The following IGF1R variants were observed in gnomAD, a reference collection of about 807,000 sequenced individuals.
The protein encoded by IGF1R is insulin-like growth factor 1 receptor.
Under a neutral mutation model 144.6 loss-of-function variants are expected in IGF1R, and 44 were observed. The ratio of observed to expected loss-of-function variants is 0.30; its 90% confidence interval spans 0.24 to 0.39. IGF1R has a LOEUF of 0.39. Ranked by LOEUF, IGF1R falls within the 10% of genes least tolerant of loss-of-function variation. IGF1R has a pLI of 1.00. For missense variants in IGF1R, 1,355 were observed against 1,833.7 expected (o/e 0.74, Z 4.77); for synonymous variants, 795 against 722.8 (o/e 1.10, Z -1.60).
chr15:98,828,900 A>G (rs933878346), intron 2 of IGF1R, among the ~76,000 whole-genome samples: 2 of 151,380 alleles, frequency 1.3e-5, no homozygotes, highest in Non-Finnish European at 2.9e-5. Flanking sequence ...CGAGCAATTC[A>G]GTGCCTTAGA....
intron 10 of IGF1R, among the ~76,000 whole-genome samples, chr15:98,920,660 G>A (rs2015445450): frequency 6.6e-6 from 1 of 152,196 alleles, no homozygotes; most frequent in South Asian, 2.1e-4. Flanking sequence ...TGGATGATCA[G>A]CCTCATGTCC....
rs192453448 is a variant in IGF1R at position 98,801,815 on chromosome 15, A to G, written c.641-89510A>G. Reference sequence around the variant, plus strand: ...GTTTTCACTGCAGCTTTTAAACAGGATGACTCCCAGCCCCCATCCCCGTGG... The same window carrying G: ...GTTTTCACTGCAGCTTTTAAACAGGGTGACTCCCAGCCCCCATCCCCGTGG... On this transcript the variant is annotated intron_variant, in intron 2 of 20. Transcript: ENST00000650285. 3.3e-5 allele frequency among the ~76,000 whole-genome samples: 5 copies of G among 152,304 alleles called. 1 individual carries two copies. The East Asian group carries it at 9.6e-4, about 29-fold the overall frequency.
At chr15:98,673,344 A>G (rs1290402172) in intron 1 of IGF1R, among the ~76,000 whole-genome samples, 1 of 152,158 alleles carries the variant, frequency 6.6e-6, no homozygotes, top group African/African-American at 2.4e-5. Context: ...GTGGCGGACT[A>G]GCGGTTGTAC....
chr15:98,766,953 G>A (rs148412509), intron 2 of IGF1R, among the ~76,000 whole-genome samples: 109 of 152,266 alleles, frequency 7.2e-4, no homozygotes, highest in Admixed American at 7.2e-4. Context: ...TTATTCCAGG[G>A]CTGCATGGTG....
At chr15:98,720,182 A>G (rs766250912) in intron 2 of IGF1R, among the ~76,000 whole-genome samples, 4 of 152,206 alleles carry the variant, frequency 2.6e-5, no homozygotes, top group Non-Finnish European at 5.9e-5. Flanking sequence ...GTGCCTTACC[A>G]TTATAAAGCT....
At chr15:98,658,503 G>A (rs1451620595) in intron 1 of IGF1R, among the ~76,000 whole-genome samples, 1 of 152,172 alleles carries the variant, frequency 6.6e-6, no homozygotes, top group Non-Finnish European at 1.5e-5. Flanking sequence ...AAAATTGTGA[G>A]GAAATAGAAT....
chr15:98,680,864 C>CTTTTT (rs71149411), intron 1 of IGF1R, among the ~76,000 whole-genome samples: 2 of 142,538 alleles, frequency 1.4e-5, no homozygotes, highest in African/African-American at 2.5e-5. Context: ...GCCATATGTA[C>CTTTTT]TTTTTTTTTT....
At chr15:98,784,641 C>T (rs1315899875) in intron 2 of IGF1R, 1 of 153,952 alleles carries the variant, frequency 6.5e-6, no homozygotes, top group Non-Finnish European at 1.5e-5. Context: ...AGGTAGTCAG[C>T]CCTTTGTCTC....
rs370500527 is a variant in IGF1R, at chr15:98,911,352, G to T, written c.1500G>T (p.Thr500=). The T allele has an allele frequency of 2.5e-6, 4 of 1,613,972 alleles. No homozygotes were observed. Among genetic ancestry groups the T allele is most frequent in the Admixed American group, 1.7e-5 (1 of 59,998 alleles). ...TCCTGCATTTCACCTCCACCACCAC[G>T]TCGAAGAATCGCATCATCATAACCT... ...SDVLHFTSTT[T]SKNRIIITWH... is the part of the protein sequence containing the mutation. The change falls in exon 7 of 21, where the codon ACG becomes ACT. Residue 500 remains threonine, a synonymous_variant. Transcript: ENST00000650285.
intron 2 of IGF1R, among the ~76,000 whole-genome samples, chr15:98,746,943 C>G (rs548279867): frequency 1.3e-5 from 2 of 152,318 alleles, no homozygotes; most frequent in East Asian, 1.9e-4. Flanking sequence ...GTTGTTCTTA[C>G]ATCATATCTC....
At chr15:98,955,319 CT>C in intron 20 of IGF1R, among the ~76,000 whole-genome samples, 1 of 152,302 alleles carries the variant, frequency 6.6e-6, no homozygotes, top group East Asian at 1.9e-4. Flanking sequence ...CTGTGGGGGC[CT>C]TCATATTTTG....
chr15:98,895,020 C>CAAAAAAAAAAAAAAAAA (rs368393677), intron 3 of IGF1R, among the ~76,000 whole-genome samples: 1 of 112,520 alleles, frequency 8.9e-6, no homozygotes, highest in African/African-American at 3.6e-5. Flanking sequence ...GACCCTGTCT[C>CAAAAAAAAAAAAAAAAA]AAAAAAAAAA....
chr15:98,714,835 T>C (rs1427100406), intron 2 of IGF1R, among the ~76,000 whole-genome samples: 2 of 152,166 alleles, frequency 1.3e-5, no homozygotes, highest in East Asian at 3.9e-4. Flanking sequence ...AAACTTAAGC[T>C]ACTTGTGAAG....
chr15:98,860,912 C>T (rs1193513270), intron 2 of IGF1R, among the ~76,000 whole-genome samples: 1 of 152,164 alleles, frequency 6.6e-6, no homozygotes, highest in Admixed American at 6.5e-5. Context: ...CAAGCTTCTT[C>T]CTGGTGCTTG....
chr15:98,880,362 C>G (rs2013308669), intron 2 of IGF1R, among the ~76,000 whole-genome samples: 1 of 152,104 alleles, frequency 6.6e-6, no homozygotes, highest in Non-Finnish European at 1.5e-5. Context: ...CTTGCTTGCC[C>G]TTTTTGTGGT....
chr15:98,692,611 A>G lies in IGF1R; in HGVS notation c.95-14951A>G, dbSNP rs537679468. ...AGATGATGGTGAGTTTGGACTTTCC[A>G]GTAACATTTGGAAACTGTTTAGTAC... On this transcript the variant is annotated intron_variant, in intron 1 of 20. Coordinates refer to ENST00000650285, the MANE Select transcript of IGF1R (RefSeq NM_000875.5). Among the ~76,000 whole-genome samples the G allele has an allele frequency of 1.1e-4, 16 of 152,356 alleles. No individual in the cohort carries two copies. The South Asian group carries it at 3.3e-3, about 32-fold the overall frequency.
chr15:98,752,687 G>GAA lies in IGF1R; in HGVS notation c.640+44590_640+44591dup, dbSNP rs60896795. 4.0e-3 allele frequency among the ~76,000 whole-genome samples: 586 copies of GAA among 147,634 alleles called. 2 individuals carry two copies. The highest frequency in any genetic ancestry group is 0.012 in the African/African-American group (493 of 40,500). On this transcript the variant is annotated intron_variant, in intron 2 of 20. Transcript: ENST00000650285. ...CGACAGAGCGAGACTCCGTCTCAAA[G>GAA]AAAAAAAAAAAGAAAGTATGTGAGC...
Position 98,929,560 on chromosome 15 carries a change from G to A in IGF1R, c.2785G>A (p.Gly929Arg). Residue 929 changes from glycine (G) to arginine (R), a missense_variant and splice_region_variant, in exon 14 of 21, where the codon GGA becomes AGA. Gly to Arg is a moderately radical substitution (Grantham distance 125). This residue lies in a region of IGF1R where 880 missense variants were observed against 1,202.7 expected (regional missense o/e 0.73). Transcript: ENST00000650285. ...PVFFYVQAKT[G>R]YENFIHLIIA... is the part of the protein sequence containing the mutation. ...TCATTTCCTCCTCTTTGCTGCAGCAGGATATGAAAACTTCATCCATCTGAT... is the reference window on the plus strand; with the variant it reads ...TCATTTCCTCCTCTTTGCTGCAGCAAGATATGAAAACTTCATCCATCTGAT... The A allele has an allele frequency of 6.2e-7, 1 of 1,612,138 alleles. No homozygotes were observed. The highest frequency in any genetic ancestry group is 8.5e-7 in the Non-Finnish European group (1 of 1,178,186).
chr15:98,688,465 T>C (rs1202790237), intron 1 of IGF1R, among the ~76,000 whole-genome samples: 1 of 151,310 alleles, frequency 6.6e-6, no homozygotes, highest in Non-Finnish European at 1.5e-5. Context: ...GGCACTGTTA[T>C]TTCATGTGTA....
Sources: allele counts gnomAD v4.1 joint callset (sites outside exome capture counted in the v4.1 genomes callset), GRCh38; gene constraint gnomAD v4.1.1; regional missense constraint gnomAD v4.1.1; transcripts MANE v1.5; gene names NCBI Gene and HGNC (gene_info 2026-07-23, HGNC 2026-07-21).